PLD5: variants seen among roughly 807,000 people sequenced by gnomAD.
The protein encoded by PLD5 is inactive phospholipase D5.
Under a neutral mutation model 61.1 loss-of-function variants are expected in PLD5, and 36 were observed. That is an observed-to-expected ratio of 0.59 (90% CI 0.45 to 0.78). PLD5 has a LOEUF of 0.78. Among genes scored for constraint, PLD5 ranks in the 30% least tolerant of loss-of-function variants. PLD5 has a pLI of 0.00. For synonymous variants in PLD5, 243 were observed against 242.8 expected, an observed-to-expected ratio of 1.00 and a Z score of -0.01; for missense variants, 515 against 644.4, an observed-to-expected ratio of 0.80 and a Z score of 2.17.
At chr1:242,289,986 T>C (rs1365924621) in intron 2 of PLD5, among the ~76,000 whole-genome samples, 1 of 149,848 alleles carries the variant, frequency 6.7e-6, no homozygotes, top group Non-Finnish European at 1.5e-5. Flanking sequence ...AGTTTTGGAG[T>C]CCAATCAGCC....
chr1:242,106,230 G>T (rs1289827671), intron 8 of PLD5, among the ~76,000 whole-genome samples: 1 of 152,168 alleles, frequency 6.6e-6, no homozygotes, highest in Non-Finnish European at 1.5e-5. Flanking sequence ...GTATTTTTTG[G>T]TGTGTGGTGG....
At chr1:242,437,063 C>A (rs556539766) in intron 1 of PLD5, among the ~76,000 whole-genome samples, 1 of 152,080 alleles carries the variant, frequency 6.6e-6, no homozygotes, top group African/African-American at 2.4e-5. Context: ...TATATGTGAT[C>A]TCGATTAGTC....
intron 1 of PLD5, chr1:242,377,013 G>T: frequency 6.2e-7 from 1 of 1,611,796 alleles, no homozygotes; most frequent in East Asian, 2.2e-5. Flanking sequence ...AGTTTCAAAA[G>T]TTTTTGCGCA....
chr1:242,415,647 G>T (rs1442376202), intron 1 of PLD5, among the ~76,000 whole-genome samples: 1 of 151,772 alleles, frequency 6.6e-6, no homozygotes, highest in African/African-American at 2.4e-5. Flanking sequence ...TGAGTAGCTG[G>T]GACTACAGGC....
rs550469136 is a variant in PLD5 at position 242,424,966 on chromosome 1, T to C, written c.190-76724A>G. On this transcript the variant is annotated intron_variant, in intron 1 of 9. Transcript: ENST00000536534. ...GGCCAAGATGGTGAAACCTCGTCTG[T>C]ACTAAAAATACAACAATTAGCTGGG... is the stretch of plus-strand genomic sequence containing the variant. Among the ~76,000 whole-genome samples the C allele has an allele frequency of 5.3e-5, 8 of 152,194 alleles. No individual in the cohort carries two copies. The South Asian group carries it at 1.2e-3, about 24-fold the overall frequency.
At chr1:242,390,562 T>A (rs1378147390) in intron 1 of PLD5, among the ~76,000 whole-genome samples, 1 of 152,140 alleles carries the variant, frequency 6.6e-6, no homozygotes, top group South Asian at 2.1e-4. Context: ...CTTGGTGTAA[T>A]TGTTTATTCT....
intron 3 of PLD5, among the ~76,000 whole-genome samples, chr1:242,273,844 T>C (rs1415406728): frequency 6.6e-6 from 1 of 152,124 alleles, no homozygotes; most frequent in Non-Finnish European, 1.5e-5. Flanking sequence ...ATGCTGGCCT[T>C]GAAGGCTGGA....
intron 5 of PLD5, among the ~76,000 whole-genome samples, chr1:242,207,784 T>TTATATTTA (rs1245753296): frequency 0.054 from 3,316 of 61,186 alleles, 656 homozygotes; most frequent in African/African-American, 0.17. Flanking sequence ...TTATATATAT[T>TTATATTTA]TATATTTATA....
At chr1:242,360,291 G>T (rs1455229607) in intron 1 of PLD5, among the ~76,000 whole-genome samples, 1 of 151,624 alleles carries the variant, frequency 6.6e-6, no homozygotes, top group African/African-American at 2.4e-5. Flanking sequence ...GTTCATTTGT[G>T]AACATTAAAA....
chr1:242,181,866 C>A (rs1667542795), intron 5 of PLD5, among the ~76,000 whole-genome samples: 1 of 152,146 alleles, frequency 6.6e-6, no homozygotes, highest in Non-Finnish European at 1.5e-5. Flanking sequence ...CGGTCTCGAT[C>A]TCTTGACCTC....
intron 1 of PLD5, chr1:242,449,322 C>T (rs934496908): frequency 6.5e-7 from 1 of 1,536,084 alleles, no homozygotes; most frequent in African/African-American, 1.4e-5. Flanking sequence ...AGGTAACACA[C>T]TAGGTCTGTA....
intron 5 of PLD5, among the ~76,000 whole-genome samples, chr1:242,212,515 A>G (rs541016597): frequency 6.6e-6 from 1 of 152,314 alleles, no homozygotes; most frequent in South Asian, 2.1e-4. Context: ...TAGCAACGCA[A>G]TGAGGAGCCA....
rs115451407 is a variant in PLD5 at position 242,460,782 on chromosome 1, T to C, written c.189+63306A>G. ...AATATCCCAATCATGCACAAGTCTC[T>C]TCATTTAAAAATCTAGTCTTATGTC... On this transcript the variant is annotated intron_variant, in intron 1 of 9. Transcript: ENST00000536534. Among the ~76,000 whole-genome samples, 1,480 of 152,180 alleles carry C rather than the reference T, an allele frequency of 9.7e-3. 29 individuals are homozygous for C. The highest frequency in any genetic ancestry group is 0.034 in the African/African-American group (1,410 of 41,502).
intron 2 of PLD5, among the ~76,000 whole-genome samples, chr1:242,308,913 T>C (rs1256187256): frequency 1.3e-5 from 2 of 152,062 alleles, no homozygotes; most frequent in African/African-American, 4.8e-5. Flanking sequence ...CTGCACTCGT[T>C]ATTTTGGGAT....
intron 1 of PLD5, among the ~76,000 whole-genome samples, chr1:242,389,880 C>A (rs985307652): frequency 2.6e-5 from 4 of 151,998 alleles, no homozygotes; most frequent in African/African-American, 9.7e-5. Context: ...TTTTTATGAG[C>A]TAAAGAGGCC....
At chr1:242,502,065 C>T (rs1337964857) in intron 1 of PLD5, among the ~76,000 whole-genome samples, 1 of 152,108 alleles carries the variant, frequency 6.6e-6, no homozygotes, top group Non-Finnish European at 1.5e-5. Context: ...ACTCTTAGGA[C>T]TGCAGCGACC....
chr1:242,255,495 C>T (rs1672963177), intron 4 of PLD5, among the ~76,000 whole-genome samples: 1 of 152,156 alleles, frequency 6.6e-6, no homozygotes, highest in Non-Finnish European at 1.5e-5. Context: ...TACGCATGCT[C>T]TAAATGACGA....
intron 2 of PLD5, among the ~76,000 whole-genome samples, chr1:242,303,230 C>T (rs935233742): frequency 6.6e-6 from 1 of 152,168 alleles, no homozygotes; most frequent in Non-Finnish European, 1.5e-5. Flanking sequence ...ACTCACACGC[C>T]CAATGCTGGC....
intron 3 of PLD5, among the ~76,000 whole-genome samples, chr1:242,273,154 C>T (rs1674209581): frequency 6.6e-6 from 1 of 151,768 alleles, no homozygotes; most frequent in Non-Finnish European, 1.5e-5. Flanking sequence ...TTGAATCCCA[C>T]TTATGAATGA....
Sources: allele counts gnomAD v4.1 joint callset (sites outside exome capture counted in the v4.1 genomes callset), GRCh38; gene constraint gnomAD v4.1.1; transcripts MANE v1.5; gene names NCBI Gene and HGNC (gene_info 2026-07-23, HGNC 2026-07-21).